FOCAD: variants seen among roughly 807,000 people sequenced by gnomAD.
The protein encoded by FOCAD is focadhesin, also known as KIAA1797.
FOCAD carries 198 observed loss-of-function variants against 225.6 expected under a neutral mutation model. The observed-to-expected ratio is 0.88, with a 90% confidence interval of 0.78 to 0.99. The LOEUF is 0.99. FOCAD is among the 50% of genes least tolerant of loss of function. The pLI, the probability that FOCAD is intolerant of heterozygous loss-of-function variation, is 0.00. For missense variants in FOCAD, 2,713 were observed against 2,123.6 expected (o/e 1.28, Z -5.46); for synonymous variants, 897 against 755.0 (o/e 1.19, Z -3.08).
chr9:20,751,035 G>T (rs1828492393), intron 5 of FOCAD, among the ~76,000 whole-genome samples: 1 of 152,044 alleles, frequency 6.6e-6, no homozygotes, highest in Admixed American at 6.6e-5. Flanking sequence ...GCCAAGAGAG[G>T]TTAATTCTCT....
intron 35 of FOCAD, among the ~76,000 whole-genome samples, chr9:20,968,592 C>T (rs1564218319): frequency 6.6e-6 from 1 of 151,708 alleles, no homozygotes; most frequent in Admixed American, 6.6e-5. Flanking sequence ...CAGGCGTCTG[C>T]CACCATGCCC....
intron 11 of FOCAD, among the ~76,000 whole-genome samples, chr9:20,814,866 T>A (rs1823493244): frequency 1.3e-5 from 2 of 152,122 alleles, no homozygotes; most frequent in South Asian, 4.1e-4. Flanking sequence ...TACATGGTTT[T>A]TTTAGTTATT....
intron 4 of FOCAD, among the ~76,000 whole-genome samples, chr9:20,726,909 A>G (rs1367455251): frequency 6.6e-6 from 1 of 152,178 alleles, no homozygotes; most frequent in East Asian, 1.9e-4. Flanking sequence ...TGGCAGGAGA[A>G]GAAGAACCAA....
intron 27 of FOCAD, 77 bp from the exon 28 acceptor site, chr9:20,932,937 G>A (rs1321964789): frequency 1.1e-5 from 11 of 1,015,360 alleles, no homozygotes; most frequent in Non-Finnish European, 1.5e-5. Context: ...AATATTGAGA[G>A]TATAATATTG....
intron 8 of FOCAD, among the ~76,000 whole-genome samples, chr9:20,777,309 T>A (rs1818862604): frequency 6.7e-6 from 1 of 148,680 alleles, no homozygotes; most frequent in South Asian, 2.1e-4. Flanking sequence ...TGTGGGTTTT[T>A]TTTTTTTTTT....
chr9:20,851,049 A>C (rs1443078224), intron 15 of FOCAD, among the ~76,000 whole-genome samples: 2 of 151,448 alleles, frequency 1.3e-5, no homozygotes, highest in Non-Finnish European at 3.0e-5. Flanking sequence ...AAAGAAGATA[A>C]ATAATTAGTC....
At chr9:20,740,755 A>T (rs1827547768) in intron 5 of FOCAD, among the ~76,000 whole-genome samples, 1 of 152,168 alleles carries the variant, frequency 6.6e-6, no homozygotes, top group Admixed American at 6.5e-5. Flanking sequence ...TTTCCAAGTG[A>T]CTTAGGCCAA....
intron 10 of FOCAD, among the ~76,000 whole-genome samples, chr9:20,783,160 T>G (rs923148430): frequency 6.6e-6 from 1 of 152,172 alleles, no homozygotes. Context: ...TCACCCCAAC[T>G]CTAATACATA....
At chr9:20,715,651 A>G (rs574651419) in intron 2 of FOCAD, among the ~76,000 whole-genome samples, 2 of 152,230 alleles carry the variant, frequency 1.3e-5, no homozygotes, top group Non-Finnish European at 2.9e-5. Context: ...TAGAGATAAT[A>G]AAACCTTGAT....
intron 2 of FOCAD, among the ~76,000 whole-genome samples, chr9:20,661,567 A>G (rs1821725683): frequency 6.6e-6 from 1 of 152,194 alleles, no homozygotes; most frequent in African/African-American, 2.4e-5. Flanking sequence ...TGTTAAACTG[A>G]GATATTCTCA....
intron 15 of FOCAD, among the ~76,000 whole-genome samples, chr9:20,840,398 T>C (rs1033825760): frequency 1.3e-5 from 2 of 149,752 alleles, no homozygotes; most frequent in African/African-American, 4.9e-5. Flanking sequence ...GTTAAGTTTA[T>C]ATTTAGGTAT....
intron 21 of FOCAD, among the ~76,000 whole-genome samples, chr9:20,903,552 T>A (rs1832719814): frequency 6.6e-6 from 1 of 151,880 alleles, no homozygotes; most frequent in Non-Finnish European, 1.5e-5. Flanking sequence ...TAAAAGCAAG[T>A]CCTGAACAGT....
intron 21 of FOCAD, among the ~76,000 whole-genome samples, chr9:20,893,581 A>G (rs12553271): frequency 0.25 from 38,490 of 152,046 alleles, 5,191 homozygotes; most frequent in Middle Eastern, 0.34. Flanking sequence ...ATATCCTTAC[A>G]GGATATTCTA....
chr9:20,838,205 C>G (rs1432574814), intron 15 of FOCAD, among the ~76,000 whole-genome samples: 1 of 151,638 alleles, frequency 6.6e-6, no homozygotes, highest in South Asian at 2.1e-4. Context: ...CATTCTAAAG[C>G]CTTTTTCATG....
chr9:20,882,994 T>C (rs1478746665), intron 20 of FOCAD, among the ~76,000 whole-genome samples: 1 of 152,078 alleles, frequency 6.6e-6, no homozygotes, highest in African/African-American at 2.4e-5. Context: ...TTATAATCAG[T>C]CCTAACCCAG....
chr9:20,986,389 C>T lies in FOCAD; in HGVS notation c.4830C>T (p.His1610=). The T allele has an allele frequency of 6.2e-7, 1 of 1,611,226 alleles. No homozygotes were observed. The highest frequency in any genetic ancestry group is 8.5e-7 in the Non-Finnish European group (1 of 1,179,466). The change falls in exon 40 of 44, where the codon CAC becomes CAT. Residue 1610 remains histidine (H), a synonymous_variant. Transcript: ENST00000338382. The part of the protein sequence containing the change: ...LTDMLSVAVQ[H]REKEVLAWMI... ...ATATGCTGAGCGTTGCTGTGCAGCA[C>T]CGTGAGAAAGAGGTGTTGGCCTGGA...
intron 2 of FOCAD, among the ~76,000 whole-genome samples, chr9:20,678,839 A>G (rs1405707365): frequency 1.3e-5 from 2 of 152,104 alleles, no homozygotes; most frequent in African/African-American, 2.4e-5. Flanking sequence ...CTCCCTTGTG[A>G]TCTTTTTAAT....
intron 37 of FOCAD, 53 bp from the exon 38 acceptor site, chr9:20,981,373 T>C: frequency 2.5e-6 from 4 of 1,587,966 alleles, no homozygotes; most frequent in Non-Finnish European, 3.4e-6. Context: ...GTTTTGAACA[T>C]TGCAAACCCA....
chr9:20,916,447 T>C (rs764660995), intron 23 of FOCAD, among the ~76,000 whole-genome samples: 2 of 152,190 alleles, frequency 1.3e-5, no homozygotes, highest in African/African-American at 2.4e-5. Context: ...ATTGATGTTT[T>C]GGTGAGCTCT....
Sources: allele counts gnomAD v4.1 joint callset (sites outside exome capture counted in the v4.1 genomes callset), GRCh38; gene constraint gnomAD v4.1.1; transcripts MANE v1.5; gene names NCBI Gene and HGNC (gene_info 2026-07-23, HGNC 2026-07-21).